The following PEX11G variants were observed in gnomAD, a reference collection of about 807,000 sequenced individuals.
PEX11G encodes peroxisomal membrane protein 11C.
PEX11G carries 20 observed loss-of-function variants against 22.5 expected under a neutral mutation model. The observed-to-expected ratio is 0.89, with a 90% CI of 0.62 to 1.29. The LOEUF is 1.29. Among genes scored for constraint, PEX11G ranks in the 50% most tolerant of loss-of-function variants. The probability of loss-of-function intolerance (pLI) is 0.00; values close to 1 mark genes in which losing one functional copy is unlikely to be tolerated. For synonymous variants in PEX11G, 141 were observed against 154.5 expected (o/e 0.91, Z 0.65); for missense variants, 347 against 331.3 (o/e 1.05, Z -0.37).
At chr19:7,482,004 G>A (rs2145961513) in intron 3 of PEX11G, 29 bp downstream of exon 3, 1 of 1,536,202 alleles carries the variant, frequency 6.5e-7, no homozygotes, top group Non-Finnish European at 8.8e-7. Context: ...AGGGACCTTG[G>A]GTGCTCCCTT....
chr19:7,485,735 C>A, intron 2 of PEX11G, 103 bp downstream of exon 2: 1 of 1,087,588 alleles, frequency 9.2e-7, no homozygotes, highest in Non-Finnish European at 1.3e-6. Context: ...TCACAAAGTG[C>A]TGGGATTACA....
chr19:7,478,245 G>T, intron 4 of PEX11G, 69 bp downstream of exon 4: 1 of 1,523,590 alleles, frequency 6.6e-7, no homozygotes, highest in Non-Finnish European at 8.9e-7. Flanking sequence ...CACAGGGGTG[G>T]CTGCGAGCCG....
chr19:7,488,930 C>G, intron 1 of PEX11G, 21 bp downstream of exon 1: 3 of 1,548,800 alleles, frequency 1.9e-6, no homozygotes, highest in Non-Finnish European at 2.6e-6. Flanking sequence ...GACCTCCGGC[C>G]CCGGTCCGCC....
chr19:7,486,924 G>A (rs1227499777), intron 1 of PEX11G, among the ~76,000 whole-genome samples: 1 of 151,984 alleles, frequency 6.6e-6, no homozygotes, highest in Non-Finnish European at 1.5e-5. Context: ...AAGTTAACAG[G>A]GCATGGTGGT....
rs768768116 is a variant in PEX11G, at chr19:7,485,834, T to A, written c.249+4A>T. Reference sequence around the variant, plus strand: ...ACTCCCTAGAGCCCCACAAACCCTGTTACCTGTGCCCCCAGGCCATATTGC... The same window carrying A: ...ACTCCCTAGAGCCCCACAAACCCTGATACCTGTGCCCCCAGGCCATATTGC... On this transcript the variant is annotated splice_donor_region_variant and intron_variant, in intron 2 of 4. Transcript: ENST00000221480. 8 of 1,590,850 alleles carry A rather than the reference T, an allele frequency of 5.0e-6. No homozygotes were observed. Among genetic ancestry groups the A allele is most frequent in the Non-Finnish European group, 6.9e-6 (8 of 1,161,330 alleles).
In PEX11G at chr19:7,482,022, A is replaced by G. The variant is rs1355928953; in HGVS notation, c.428+11T>C. 1 of 1,582,360 alleles carries G rather than the reference A, an allele frequency of 6.3e-7. No homozygotes were observed. Among genetic ancestry groups the G allele is most frequent in the South Asian group, 1.1e-5 (1 of 87,190 alleles). On this transcript the variant is annotated intron_variant, in intron 3 of 4. Transcript: ENST00000221480. The stretch of plus-strand genomic sequence containing the variant: ...GACCTTGGGTGCTCCCTTCTGGCCC[A>G]TGCCACTTACCTGGCAACCCCCAGG...
chr19:7,489,880 C>T (rs565649989), upstream of PEX11G, among the ~76,000 whole-genome samples: 1 of 145,004 alleles, frequency 6.9e-6, no homozygotes, highest in African/African-American at 2.6e-5. Context: ...TTTTTTGAGA[C>T]GGAGTCTTGC....
At chr19:7,479,445 C>T (rs1972653) in intron 3 of PEX11G, among the ~76,000 whole-genome samples, 8,371 of 152,246 alleles carry the variant, frequency 0.055, 803 homozygotes, top group African/African-American at 0.19. Flanking sequence ...GATCGCACCA[C>T]TGCACTCCAG....
upstream of PEX11G, among the ~76,000 whole-genome samples, chr19:7,490,775 A>G (rs1464701352): frequency 7.1e-6 from 1 of 141,790 alleles, no homozygotes; most frequent in Non-Finnish European, 1.5e-5. Context: ...AGAGCTTGCT[A>G]CATTCTGCCC....
intron 1 of PEX11G, among the ~76,000 whole-genome samples, chr19:7,488,198 G>C (rs116400042): frequency 0.018 from 2,732 of 152,322 alleles, 85 homozygotes; most frequent in African/African-American, 0.063. Context: ...AGCCAGGCTG[G>C]GTTGGCAGAG....
chr19:7,488,707 C>A (rs769948430), intron 1 of PEX11G, among the ~76,000 whole-genome samples: 1 of 152,200 alleles, frequency 6.6e-6, no homozygotes, highest in Admixed American at 6.5e-5. Flanking sequence ...AGTGCTGAGG[C>A]AGGAGAATCG....
rs555975339 is a variant in PEX11G at position 7,482,432 on chromosome 19, A to C, written c.250-221T>G. ...ACGGTGCTCAGTGCCCCTTGGAGGG[A>C]GGCTCTCAACGCAGCTGTGCAGTGC... On this transcript the variant is annotated intron_variant, in intron 2 of 4. Coordinates refer to ENST00000221480, the MANE Select transcript of PEX11G (RefSeq NM_080662.4). Among the ~76,000 whole-genome samples, 4 of 152,210 alleles carry C rather than the reference A, an allele frequency of 2.6e-5. No individual in the cohort carries two copies. In the East Asian group the frequency reaches 7.7e-4, roughly 29 times the overall value.
At chr19:7,489,474 G>A (rs907942647), upstream of PEX11G, 66 of 989,236 alleles carry the variant, frequency 6.7e-5, no homozygotes, top group Non-Finnish European at 7.2e-5. Context: ...ATCTTTCGAC[G>A]TTAAGGAAAG....
At chr19:7,478,447 C>G (rs763137667) in intron 3 of PEX11G, 71 bp from the exon 4 acceptor site, 179 of 1,487,070 alleles carry the variant, frequency 1.2e-4, no homozygotes, top group Non-Finnish European at 1.5e-4. Context: ...ACGCTGGCCC[C>G]GGACATACAG....
upstream of PEX11G, among the ~76,000 whole-genome samples, chr19:7,490,831 C>T (rs898023574): frequency 1.3e-4 from 19 of 151,302 alleles, no homozygotes; most frequent in Non-Finnish European, 2.4e-4. Context: ...TAGAGTGCAG[C>T]GGCACGATCT....
intron 1 of PEX11G, among the ~76,000 whole-genome samples, chr19:7,494,700 T>C (rs7260586): frequency 0.58 from 88,034 of 152,034 alleles, 25,743 homozygotes; most frequent in Non-Finnish European, 0.59. Context: ...GCCTTGGTGT[T>C]GCTAGGAGCT....
In PEX11G at chr19:7,477,052, G is replaced by T; in HGVS notation, c.*150C>A. On this transcript the variant is annotated 3_prime_UTR_variant, in exon 5 of 5. Coordinates refer to ENST00000221480, the MANE Select transcript of PEX11G (RefSeq NM_080662.4). ...CAGGAGCTCCAGGCTGAGGCCTGGG[G>T]GACCTCGCATCAGTCCCTCCACCCA... 1.6e-6 allele frequency: 1 copy of T among 639,226 alleles called. No individual in the cohort carries two copies. Among genetic ancestry groups the T allele is most frequent in the Non-Finnish European group, 2.3e-6 (1 of 426,002 alleles). 39.6% of individuals were successfully genotyped at this position (639,226 alleles called of 1,614,324 possible). A position where few individuals can be genotyped will look rare whatever the true frequency, so the allele number is the denominator to read the frequency against.
upstream of PEX11G, among the ~76,000 whole-genome samples, chr19:7,491,658 T>C (rs1237240701): frequency 6.6e-6 from 1 of 152,144 alleles, no homozygotes; most frequent in Non-Finnish European, 1.5e-5. Context: ...TTTTGGTTTT[T>C]GCTTTTTGTT....
upstream of PEX11G, among the ~76,000 whole-genome samples, chr19:7,491,487 T>C (rs2021889726): frequency 6.6e-6 from 1 of 151,850 alleles, no homozygotes; most frequent in Non-Finnish European, 1.5e-5. Flanking sequence ...CAGGCTGGTC[T>C]TGAACTCTTG....
Sources: allele counts gnomAD v4.1 joint callset (sites outside exome capture counted in the v4.1 genomes callset), GRCh38; gene constraint gnomAD v4.1.1; transcripts MANE v1.5; gene names NCBI Gene and HGNC (gene_info 2026-07-23, HGNC 2026-07-21).